The following FAM13A variants were observed in gnomAD, a reference collection of about 807,000 sequenced individuals.
The protein encoded by FAM13A is family with sequence similarity 13 member A.
In FAM13A, 76 loss-of-function variants were observed where a neutral mutation model predicts 129.6. The ratio of observed to expected loss-of-function variants is 0.59; its 90% CI spans 0.49 to 0.71. The LOEUF is 0.71. Among genes scored for constraint, FAM13A ranks in the 30% least tolerant of loss-of-function variants. FAM13A has a pLI of 0.00. For synonymous variants in FAM13A, 443 were observed against 449.9 expected (o/e 0.98, Z 0.20); for missense variants, 1,108 against 1,249.3 (o/e 0.89, Z 1.70).
Position 88,726,125 on chromosome 4 carries a change from C to T in FAM13A, c.*2408G>A, listed in dbSNP as rs1395981668. 3 of 152,184 alleles carry T rather than the reference C, an allele frequency of 2.0e-5. No homozygotes were observed. The highest frequency in any genetic ancestry group is 7.2e-5 in the African/African-American group (3 of 41,452). 9.4% of individuals were successfully genotyped at this position (152,184 alleles called of 1,614,324 possible). On this transcript the variant is annotated 3_prime_UTR_variant, in exon 24 of 24. Coordinates refer to ENST00000264344, the MANE Select transcript of FAM13A (RefSeq NM_014883.4). Reference sequence around the variant, plus strand: ...TCTTTGTGAAGCCAATTAATTAAGACACCGCCTCTAGTGCCTTGAGATTCT... The same window carrying T: ...TCTTTGTGAAGCCAATTAATTAAGATACCGCCTCTAGTGCCTTGAGATTCT...
At chr4:88,921,458 A>C (rs775567296) in intron 5 of FAM13A, among the ~76,000 whole-genome samples, 4 of 152,234 alleles carry the variant, frequency 2.6e-5, no homozygotes, top group Admixed American at 6.5e-5. Context: ...ACTAATCTTC[A>C]TAAGTGAAGG....
chr4:88,804,937 T>G, intron 8 of FAM13A, 74 bp downstream of exon 8: 1 of 806,766 alleles, frequency 1.2e-6, no homozygotes, highest in Non-Finnish European at 2.1e-6. Context: ...GAGATTAAAA[T>G]GAGCAAATAA....
chr4:88,878,986 C>A (rs1454499583), intron 6 of FAM13A, among the ~76,000 whole-genome samples: 1 of 152,104 alleles, frequency 6.6e-6, no homozygotes, highest in African/African-American at 2.4e-5. Flanking sequence ...GGTAGGCTGG[C>A]CTGATAGGAA....
At chr4:88,973,931 T>C (rs1360277473) in intron 4 of FAM13A, among the ~76,000 whole-genome samples, 1 of 152,178 alleles carries the variant, frequency 6.6e-6, no homozygotes, top group Non-Finnish European at 1.5e-5. Flanking sequence ...GAATTGGGTA[T>C]TTTCCTTCCC....
intron 2 of FAM13A, among the ~76,000 whole-genome samples, chr4:89,026,753 C>T (rs1768017359): frequency 6.6e-6 from 1 of 152,198 alleles, no homozygotes; most frequent in Admixed American, 6.5e-5. Context: ...TCTCCCTTGA[C>T]ACGTGGGGAT....
At chr4:89,052,251 T>A (rs1560967799) in intron 1 of FAM13A, among the ~76,000 whole-genome samples, 1 of 82,374 alleles carries the variant, frequency 1.2e-5, no homozygotes, top group Non-Finnish European at 2.2e-5. Flanking sequence ...TGGGCAGCGC[T>A]TTCTTTTTTT....
chr4:88,986,166 C>T (rs1481771747), intron 4 of FAM13A, among the ~76,000 whole-genome samples: 6 of 151,214 alleles, frequency 4.0e-5, no homozygotes, highest in African/African-American at 1.5e-4. Flanking sequence ...TTGAGTCTCA[C>T]CCTATCTCCC....
At chr4:88,845,853 G>C (rs1736552484) in intron 7 of FAM13A, among the ~76,000 whole-genome samples, 1 of 152,066 alleles carries the variant, frequency 6.6e-6, no homozygotes, top group African/African-American at 2.4e-5. Context: ...TTTTAGAATA[G>C]AACAACTCTC....
intron 8 of FAM13A, among the ~76,000 whole-genome samples, chr4:88,791,597 A>G (rs563986606): frequency 1.3e-5 from 2 of 152,260 alleles, no homozygotes; most frequent in South Asian, 4.1e-4. Context: ...GTCGTGTCAA[A>G]CTATAGTTCT....
chr4:88,775,563 T>G (rs1578597264), intron 11 of FAM13A, among the ~76,000 whole-genome samples: 1 of 151,976 alleles, frequency 6.6e-6, no homozygotes, highest in South Asian at 2.1e-4. Flanking sequence ...AAAAATTAGC[T>G]GGGTGTGGTG....
chr4:88,817,250 C>T (rs1730935610), intron 7 of FAM13A, among the ~76,000 whole-genome samples: 2 of 152,094 alleles, frequency 1.3e-5, no homozygotes, highest in Non-Finnish European at 2.9e-5. Context: ...TGAATTATAT[C>T]TCAATAAAGC....
intron 5 of FAM13A, among the ~76,000 whole-genome samples, chr4:88,932,688 G>GA (rs2148788229): frequency 6.6e-6 from 1 of 152,300 alleles, no homozygotes; most frequent in Non-Finnish European, 1.5e-5. Context: ...TATGGTAAGT[G>GA]ACTTTGATTC....
intron 7 of FAM13A, among the ~76,000 whole-genome samples, chr4:88,810,022 C>T (rs1317482596): frequency 1.8e-4 from 27 of 151,904 alleles, no homozygotes; most frequent in Admixed American, 1.8e-3. Flanking sequence ...GCACTTTGTG[C>T]CTAAGAACAC....
At chr4:88,793,476 T>C (rs1270161051) in intron 8 of FAM13A, among the ~76,000 whole-genome samples, 2 of 152,052 alleles carry the variant, frequency 1.3e-5, no homozygotes, top group East Asian at 3.8e-4. Context: ...ATTTCTGGTA[T>C]ATTTAACTAG....
intron 5 of FAM13A, among the ~76,000 whole-genome samples, chr4:88,911,494 T>C (rs978880779): frequency 2.6e-5 from 4 of 152,352 alleles, no homozygotes; most frequent in African/African-American, 9.6e-5. Flanking sequence ...TTTCCATTCT[T>C]GCTTAATACC....
Position 88,938,165 on chromosome 4 carries a change from T to C in FAM13A, c.682A>G (p.Asn228Asp). ...GTATACTCTACTTCAAACAGGGTATTGTAATTTTCTAGAATTTTAGCCATT... is the reference window on the plus strand; with the variant it reads ...GTATACTCTACTTCAAACAGGGTATCGTAATTTTCTAGAATTTTAGCCATT... ...KIMAKILENY[N>D]TLFEVEYTEN... is the part of the protein sequence containing the mutation. The change falls in exon 5 of 24, where the codon AAT (asparagine) becomes GAT (aspartate). Residue 228 changes from asparagine (N) to aspartate (D), a missense_variant. Physicochemically the swap from Asn to Asp is conservative, Grantham distance 23 (BLOSUM62 1). Around this residue, in one of 3 missense-constraint regions of FAM13A, gnomAD observed 566 missense variants for 595.7 expected, o/e 0.95. Transcript: ENST00000264344. 6.2e-7 allele frequency: 1 copy of C among 1,613,284 alleles called. No individual in the cohort carries two copies. The highest frequency in any genetic ancestry group is 8.5e-7 in the Non-Finnish European group (1 of 1,179,280).
intron 10 of FAM13A, among the ~76,000 whole-genome samples, chr4:88,783,505 G>T (rs1449615655): frequency 6.6e-6 from 1 of 151,976 alleles, no homozygotes; most frequent in Non-Finnish European, 1.5e-5. Context: ...CATCATATTG[G>T]CCAGGCTCTT....
intron 1 of FAM13A, among the ~76,000 whole-genome samples, chr4:89,039,701 T>G (rs1363950894): frequency 6.6e-6 from 1 of 152,018 alleles, no homozygotes; most frequent in African/African-American, 2.4e-5. Context: ...GTTTGAGACC[T>G]CTATATAAGC....
intron 11 of FAM13A, among the ~76,000 whole-genome samples, chr4:88,780,177 C>T (rs1722575054): frequency 6.6e-6 from 1 of 152,046 alleles, no homozygotes; most frequent in Admixed American, 6.6e-5. Flanking sequence ...TGCATTGAGA[C>T]ATTATGGGGG....
Sources: gnomAD v4.1 joint callset for allele counts (sites outside exome capture counted in the v4.1 genomes callset) on GRCh38, gnomAD v4.1.1 for gene constraint, gnomAD v4.1.1 regional missense constraint, MANE v1.5 for transcripts, NCBI Gene and HGNC (gene_info 2026-07-23, HGNC 2026-07-21) for gene names.